Variants in KLHL1 observed in about 807,000 individuals in gnomAD.
The protein encoded by KLHL1 is kelch-like protein 1.
KLHL1 carries 47 observed loss-of-function variants against 77.7 expected under a neutral mutation model. The observed-to-expected ratio is 0.60, with a 90% CI of 0.48 to 0.77. The LOEUF (loss-of-function observed/expected upper bound fraction) is 0.77, where lower values mean the gene tolerates loss of function less well. Ranked by LOEUF, KLHL1 falls within the 30% of genes least tolerant of loss-of-function variation. KLHL1 has a pLI of 0.00. For synonymous variants in KLHL1, 360 were observed against 325.2 expected (o/e 1.11, Z -1.15); for missense variants, 925 against 910.8 (o/e 1.02, Z -0.20).
At chr13:69,824,424 A>T (rs1878464844) in intron 6 of KLHL1, among the ~76,000 whole-genome samples, 1 of 152,114 alleles carries the variant, frequency 6.6e-6, no homozygotes, top group Admixed American at 6.6e-5. Context: ...AAGGTGAATG[A>T]CTTATAATAT....
Position 70,035,864 on chromosome 13 carries a change from A to G in KLHL1, c.498-60062T>C, listed in dbSNP as rs1056901481. ...GATATGTCTAGTATTTTAATTAACA[A>G]TAATTCTCATCTATAGATGTAGAAA... is the stretch of plus-strand genomic sequence containing the variant. On this transcript the variant is annotated intron_variant, in intron 1 of 10. Coordinates refer to ENST00000377844, the MANE Select transcript of KLHL1 (RefSeq NM_020866.3). 7.2e-5 allele frequency among the ~76,000 whole-genome samples: 11 copies of G among 152,082 alleles called. 1 individual carries two copies. In the South Asian group the frequency reaches 8.3e-4, roughly 11 times the overall value.
intron 1 of KLHL1, among the ~76,000 whole-genome samples, chr13:70,059,791 T>C (rs980656216): frequency 2.6e-5 from 4 of 151,924 alleles, no homozygotes; most frequent in Non-Finnish European, 5.9e-5. Flanking sequence ...AAAGAGGAAG[T>C]AGGCAAGTCT....
intron 7 of KLHL1, among the ~76,000 whole-genome samples, chr13:69,777,158 C>T (rs371959615): frequency 2.0e-4 from 30 of 152,230 alleles, no homozygotes; most frequent in African/African-American, 6.7e-4. Context: ...TGTCTGCCAT[C>T]ATGTAAGACG....
intron 1 of KLHL1, among the ~76,000 whole-genome samples, chr13:70,047,600 C>T (rs1174976043): frequency 6.6e-6 from 1 of 152,140 alleles, no homozygotes; most frequent in East Asian, 1.9e-4. Context: ...ATTCTTCTAA[C>T]CTTTCTAAGC....
rs547456573 is a variant in KLHL1, at chr13:69,735,538, T to C, written c.1802+4856A>G. On this transcript the variant is annotated intron_variant, in intron 8 of 10. Transcript: ENST00000377844. ...TAAATTATCTTTTATAATTTAATTA[T>C]GTAATTATTAATGTATAAATAGATA... Among the ~76,000 whole-genome samples, 13 of 149,484 alleles carry C rather than the reference T, an allele frequency of 8.7e-5. No homozygotes were observed. The East Asian group carries it at 2.6e-3, about 30-fold the overall frequency.
At chr13:69,891,791 A>G (rs1881431618) in intron 4 of KLHL1, among the ~76,000 whole-genome samples, 1 of 152,024 alleles carries the variant, frequency 6.6e-6, no homozygotes, top group Admixed American at 6.6e-5. Context: ...TCTTGTAATC[A>G]TTTGGTCTGC....
intron 1 of KLHL1, among the ~76,000 whole-genome samples, chr13:70,073,822 A>T (rs1887196517): frequency 6.8e-6 from 1 of 147,074 alleles, no homozygotes. Context: ...AGGAGAGCAA[A>T]CATAATTTTC....
chr13:69,897,919 C>T lies in KLHL1; in HGVS notation c.1015-15424G>A, dbSNP rs140452430. 1.8e-3 allele frequency among the ~76,000 whole-genome samples: 279 copies of T among 152,282 alleles called. 2 individuals are homozygous for T. The highest frequency in any genetic ancestry group is 3.0e-3 in the Non-Finnish European group (205 of 68,020). On this transcript the variant is annotated intron_variant, in intron 4 of 10. Transcript: ENST00000377844. ...CCTGTGGTTACTGAGTCCAGTTAAA[C>T]CTCAGGAACTCAGGTCAACAGAACT...
rs115932038 is a variant in KLHL1 at position 69,779,921 on chromosome 13, C to T, written c.1639+16817G>A. ...CACCTGCCAGGTTCAAGTGATTCTC[C>T]GGCCACAGCCTCCGAAGTATTACTG... On this transcript the variant is annotated intron_variant, in intron 7 of 10. Transcript: ENST00000377844. Among the ~76,000 whole-genome samples, 1,342 of 152,132 alleles carry T rather than the reference C, an allele frequency of 8.8e-3. 10 individuals are homozygous for T. Among genetic ancestry groups the T allele is most frequent in the African/African-American group, 0.031 (1,269 of 41,500 alleles).
chr13:69,909,228 A>G (rs1336091118), intron 4 of KLHL1, among the ~76,000 whole-genome samples: 1 of 151,862 alleles, frequency 6.6e-6, no homozygotes, highest in Non-Finnish European at 1.5e-5. Flanking sequence ...ATTTTAGCCC[A>G]GAGGAAATCT....
At chr13:70,081,742 C>T (rs562491674) in intron 1 of KLHL1, among the ~76,000 whole-genome samples, 9 of 152,242 alleles carry the variant, frequency 5.9e-5, no homozygotes, top group South Asian at 2.1e-4. Flanking sequence ...TGGATCGTGG[C>T]CTAGTGAAAC....
intron 4 of KLHL1, among the ~76,000 whole-genome samples, chr13:69,885,753 G>T (rs1881192499): frequency 6.6e-6 from 1 of 152,084 alleles, no homozygotes; most frequent in South Asian, 2.1e-4. Context: ...CTGATATATG[G>T]CCCTGATAAT....
chr13:69,719,209 T>TGAGA (rs1555300511), intron 9 of KLHL1, among the ~76,000 whole-genome samples, 160 bp downstream of exon 9: 4 of 36,928 alleles, frequency 1.1e-4, no homozygotes, highest in South Asian at 5.2e-3. Flanking sequence ...TGTGTGTGTG[T>TGAGA]GAGAGAGAGA....
intron 8 of KLHL1, among the ~76,000 whole-genome samples, chr13:69,734,832 T>C (rs1006396634): frequency 6.6e-6 from 1 of 152,130 alleles, no homozygotes; most frequent in East Asian, 1.9e-4. Context: ...TCCATAAAAC[T>C]TCTACTGTCA....
intron 6 of KLHL1, among the ~76,000 whole-genome samples, chr13:69,798,004 G>A (rs1482097558): frequency 6.6e-6 from 1 of 152,082 alleles, no homozygotes; most frequent in Non-Finnish European, 1.5e-5. Context: ...ATTGAAAGAA[G>A]CAGCTAAATT....
At chr13:70,090,345 G>C (rs1887643285) in intron 1 of KLHL1, among the ~76,000 whole-genome samples, 1 of 152,112 alleles carries the variant, frequency 6.6e-6, no homozygotes, top group South Asian at 2.1e-4. Flanking sequence ...TACTGAGTTT[G>C]AGGGCTTTTT....
chr13:69,906,184 A>T, intron 4 of KLHL1, among the ~76,000 whole-genome samples: 1 of 152,064 alleles, frequency 6.6e-6, no homozygotes. Flanking sequence ...GATTCACCTA[A>T]TAAGTATTGG....
At chr13:69,761,578 A>C (rs1052630565) in intron 7 of KLHL1, among the ~76,000 whole-genome samples, 1 of 152,190 alleles carries the variant, frequency 6.6e-6, no homozygotes, top group African/African-American at 2.4e-5. Flanking sequence ...CCAGGAAAAT[A>C]CTATGCCAGA....
At chr13:69,911,558 A>G (rs1347842416) in intron 4 of KLHL1, among the ~76,000 whole-genome samples, 1 of 95,458 alleles carries the variant, frequency 1.0e-5, no homozygotes, top group African/African-American at 4.1e-5. Context: ...AGGTATAGGA[A>G]TATCATCAAG....
Sources: gnomAD v4.1 joint callset for allele counts (sites outside exome capture counted in the v4.1 genomes callset) on GRCh38, gnomAD v4.1.1 for gene constraint, MANE v1.5 for transcripts, NCBI Gene and HGNC (gene_info 2026-07-23, HGNC 2026-07-21) for gene names.